PTK2: variants seen among roughly 807,000 people sequenced by gnomAD.
PTK2 encodes protein tyrosine kinase 2, also known as focal adhesion kinase 1.
PTK2 carries 45 observed loss-of-function variants against 150.1 expected under a neutral mutation model. The observed-to-expected ratio is 0.30, with a 90% CI of 0.24 to 0.38. The LOEUF (loss-of-function observed/expected upper bound fraction) is 0.38, where lower values mean the gene tolerates loss of function less well. PTK2 is among the 10% of genes least tolerant of loss of function. The pLI, the probability that PTK2 is intolerant of heterozygous loss-of-function variation, is 1.00. For synonymous variants in PTK2, 432 were observed against 449.2 expected (o/e 0.96, Z 0.48); for missense variants, 919 against 1,307.3 (o/e 0.70, Z 4.58).
intron 22 of PTK2, among the ~76,000 whole-genome samples, chr8:140,730,011 A>ATG (rs1490019276): frequency 3.9e-5 from 6 of 152,216 alleles, no homozygotes; most frequent in African/African-American, 1.4e-4. Flanking sequence ...TTGCTCTATA[A>ATG]CTACTAGTTA....
intron 1 of PTK2, among the ~76,000 whole-genome samples, chr8:140,979,770 T>A (rs892518652): frequency 3.9e-5 from 6 of 152,172 alleles, no homozygotes; most frequent in Admixed American, 3.9e-4. Flanking sequence ...GATGGTTTTA[T>A]AAGGGGGAGT....
intron 22 of PTK2, 59 bp from the exon 26 acceptor site, chr8:140,717,768 AC>A: frequency 7.3e-7 from 1 of 1,363,728 alleles, no homozygotes; most frequent in Non-Finnish European, 1.0e-6. Flanking sequence ...CACACACTAG[AC>A]CCCACCCTGA....
rs970398160 is a variant in PTK2, at chr8:140,980,284, G to A, written c.-122+20841C>T. Among the ~76,000 whole-genome samples the A allele has an allele frequency of 3.9e-5, 6 of 152,174 alleles. No individual in the cohort carries two copies. The East Asian group carries it at 1.2e-3, about 29-fold the overall frequency. ...CAGAGTGCAGGATGGGAGGAAAAAAGAAAATCAAGTCATATAAAGACATAT... is the reference window on the plus strand; with the variant it reads ...CAGAGTGCAGGATGGGAGGAAAAAAAAAAATCAAGTCATATAAAGACATAT... On this transcript the variant is annotated intron_variant, in intron 1 of 31. Coordinates refer to ENST00000522684, the Ensembl canonical transcript of PTK2.
At chr8:140,818,892 C>T (rs1177045518) in exon 9 of PTK2, 1 of 1,613,476 alleles carries the variant, frequency 6.2e-7, no homozygotes, top group Admixed American at 1.7e-5. Flanking sequence ...CAAGAGCACA[C>T]TTGAAGCATT....
chr8:140,679,578 G>GA (rs752519692), intron 27 of PTK2, among the ~76,000 whole-genome samples: 5 of 152,136 alleles, frequency 3.3e-5, no homozygotes, highest in Middle Eastern at 3.2e-3. Context: ...GTTTACTTTG[G>GA]AAAAGCTGCA....
chr8:140,671,672 G>C (rs1342400565), intron 29 of PTK2, among the ~76,000 whole-genome samples: 2 of 151,408 alleles, frequency 1.3e-5, no homozygotes, highest in Non-Finnish European at 2.9e-5. Context: ...CCAGCACTTT[G>C]GGAGGCCGAG....
intron 29 of PTK2, 146 bp downstream of exon 32, chr8:140,674,152 T>C: frequency 2.4e-6 from 2 of 835,020 alleles, no homozygotes; most frequent in Middle Eastern, 2.2e-4. Flanking sequence ...CCAGACCAAT[T>C]GACTCCTGGG....
At chr8:140,681,732 G>T (rs368121882) in intron 27 of PTK2, among the ~76,000 whole-genome samples, 1 of 151,326 alleles carries the variant, frequency 6.6e-6, no homozygotes, top group African/African-American at 2.4e-5. Flanking sequence ...AGCCGAGATC[G>T]CGCCACTGCA....
intron 1 of PTK2, among the ~76,000 whole-genome samples, chr8:140,974,645 T>C (rs1387532325): frequency 1.3e-5 from 2 of 152,168 alleles, no homozygotes; most frequent in African/African-American, 4.8e-5. Flanking sequence ...ATGTTTCCCT[T>C]GCCAACACAA....
intron 14 of PTK2, among the ~76,000 whole-genome samples, chr8:140,773,382 A>C (rs1240936259): frequency 6.6e-6 from 1 of 152,210 alleles, no homozygotes; most frequent in Non-Finnish European, 1.5e-5. Flanking sequence ...AGGAAGATAA[A>C]ATAAGTAAAT....
rs181897792 is a variant in PTK2, at chr8:140,848,053, G to T, written c.451-1375C>A. ...CTTCATGTTTAGATGAGCAGCTGGAGAAATCATAGTATAAACTCCACTTTC... is the reference window on the plus strand; with the variant it reads ...CTTCATGTTTAGATGAGCAGCTGGATAAATCATAGTATAAACTCCACTTTC... On this transcript the variant is annotated intron_variant, in intron 5 of 31. Coordinates refer to ENST00000522684, the Ensembl canonical transcript of PTK2. 1.1e-3 allele frequency among the ~76,000 whole-genome samples: 173 copies of T among 152,350 alleles called. 1 individual carries two copies. Among genetic ancestry groups the T allele is most frequent in the Non-Finnish European group, 1.9e-4 (13 of 68,040 alleles).
intron 1 of PTK2, among the ~76,000 whole-genome samples, chr8:140,978,587 C>G (rs982385753): frequency 1.3e-4 from 19 of 147,608 alleles, no homozygotes; most frequent in Non-Finnish European, 1.5e-4. Context: ...GTTAGAATGG[C>G]AATCATTAAA....
chr8:140,952,801 G>C (rs911392336), intron 1 of PTK2, among the ~76,000 whole-genome samples: 1 of 152,090 alleles, frequency 6.6e-6, no homozygotes, highest in Non-Finnish European at 1.5e-5. Context: ...AGACAAAGTA[G>C]GATTACCCTC....
chr8:140,693,292 G>A (rs910396842), intron 26 of PTK2, among the ~76,000 whole-genome samples: 8 of 152,196 alleles, frequency 5.3e-5, no homozygotes, highest in South Asian at 4.1e-4. Context: ...GGTGACTCAC[G>A]CCTGTAATCC....
intron 2 of PTK2, among the ~76,000 whole-genome samples, chr8:140,898,716 CT>C (rs1417864550): frequency 6.6e-6 from 1 of 152,054 alleles, no homozygotes; most frequent in Non-Finnish European, 1.5e-5. Flanking sequence ...CCAGAATTCC[CT>C]CATTTATAAT....
chr8:140,662,078 G>A (rs997921377), intron 31 of PTK2, among the ~76,000 whole-genome samples: 4 of 152,116 alleles, frequency 2.6e-5, no homozygotes, highest in African/African-American at 9.7e-5. Flanking sequence ...TAGGAGGATG[G>A]CTTGAAGCAG....
intron 14 of PTK2, among the ~76,000 whole-genome samples, chr8:140,772,319 T>C (rs2100075950): frequency 6.6e-6 from 1 of 152,080 alleles, no homozygotes; most frequent in African/African-American, 2.4e-5. Context: ...GGCCCAGCTA[T>C]TGAGGAGGCT....
At chr8:140,952,187 G>A (rs959013455) in intron 1 of PTK2, among the ~76,000 whole-genome samples, 7 of 152,176 alleles carry the variant, frequency 4.6e-5, no homozygotes, top group African/African-American at 1.7e-4. Context: ...TCCTAATTCA[G>A]CATTTAGTGC....
intron 14 of PTK2, 104 bp from the exon 15 acceptor site, chr8:140,770,903 C>A: frequency 2.8e-6 from 1 of 361,288 alleles, no homozygotes; most frequent in Non-Finnish European, 4.4e-6. Flanking sequence ...AAAACAGATA[C>A]AAAATTGCAA....
Sources: allele counts gnomAD v4.1 joint callset (sites outside exome capture counted in the v4.1 genomes callset), GRCh38; gene constraint gnomAD v4.1.1; transcripts MANE v1.5; gene names NCBI Gene and HGNC (gene_info 2026-07-23, HGNC 2026-07-21).